CAPN7: variants seen among roughly 807,000 people sequenced by gnomAD.
CAPN7 encodes the protein calpain 7.
In CAPN7, 72 loss-of-function variants were observed where a neutral mutation model predicts 115.2. That is an observed-to-expected ratio of 0.63 (90% CI 0.52 to 0.76). The LOEUF (loss-of-function observed/expected upper bound fraction) is 0.76. CAPN7 is among the 30% of genes least tolerant of loss of function. CAPN7 has a pLI of 0.00. For missense variants in CAPN7, 905 were observed against 971.5 expected (o/e 0.93, Z 0.91); for synonymous variants, 344 against 322.3 (o/e 1.07, Z -0.72).
At chr3:15,210,840 A>G (rs1183263474) in intron 1 of CAPN7, 1 of 1,289,642 alleles carries the variant, frequency 7.8e-7, no homozygotes, top group Non-Finnish European at 1.0e-6. Context: ...ACTGGATTCA[A>G]AAAGTGATGT....
intron 4 of CAPN7, among the ~76,000 whole-genome samples, chr3:15,220,426 T>A (rs1693907863): frequency 6.6e-6 from 1 of 152,222 alleles, no homozygotes; most frequent in African/African-American, 2.4e-5. Flanking sequence ...TTGCATGTAA[T>A]ACTTTCATCC....
intron 5 of CAPN7, among the ~76,000 whole-genome samples, chr3:15,221,953 CA>C (rs575558093): frequency 2.4e-4 from 33 of 135,938 alleles, no homozygotes; most frequent in East Asian, 2.1e-4. Context: ...GATCCCGTCT[CA>C]AAAAAAAAAA....
intron 17 of CAPN7, 116 bp downstream of exon 17, chr3:15,245,787 CTT>C (rs1695624537): frequency 1.4e-6 from 1 of 735,262 alleles, no homozygotes; most frequent in Non-Finnish European, 2.0e-6. Context: ...GTATTGCTCT[CTT>C]TTTTTGTGCT....
At chr3:15,250,209 TA>T (rs528816618) in intron 19 of CAPN7, among the ~76,000 whole-genome samples, 2 of 147,886 alleles carry the variant, frequency 1.4e-5, no homozygotes, top group Non-Finnish European at 3.0e-5. Flanking sequence ...CCCCTGTCCA[TA>T]AAAAAAAATT....
At chr3:15,245,492 C>A in intron 16 of CAPN7, 34 bp from the exon 17 acceptor site, 1 of 1,575,054 alleles carries the variant, frequency 6.3e-7, no homozygotes, top group Non-Finnish European at 8.6e-7. Context: ...AAAGAAAAGT[C>A]TCCTTTTCTC....
At chr3:15,218,447 A>G in intron 3 of CAPN7, 26 bp from the exon 4 acceptor site, 1 of 1,545,584 alleles carries the variant, frequency 6.5e-7, no homozygotes, top group Middle Eastern at 1.7e-4. Flanking sequence ...ATGCTTTAAA[A>G]TGTCTGTCTC....
At chr3:15,240,877 T>C (rs759196978) in intron 14 of CAPN7, 24 bp downstream of exon 14, 18 of 1,378,526 alleles carry the variant, frequency 1.3e-5, no homozygotes, top group South Asian at 5.9e-5. Flanking sequence ...CATTGCAGAG[T>C]ATGCTTTATA....
At chr3:15,220,336 A>C (rs547993629) in intron 4 of CAPN7, among the ~76,000 whole-genome samples, 9 of 152,342 alleles carry the variant, frequency 5.9e-5, no homozygotes, top group African/African-American at 2.2e-4. Flanking sequence ...CTGCAGCTCA[A>C]GCATCAGTTC....
At chr3:15,232,359 A>G (rs1273065990) in intron 9 of CAPN7, among the ~76,000 whole-genome samples, 160 bp from the exon 10 acceptor site, 2 of 152,220 alleles carry the variant, frequency 1.3e-5, no homozygotes, top group Admixed American at 1.3e-4. Context: ...AAAAAGAACA[A>G]CATTTTGTAA....
rs143046443 is a variant in CAPN7, at chr3:15,241,531, G to A, written c.1731G>A (p.Gln577=). 1.3e-4 allele frequency: 215 copies of A among 1,614,152 alleles called. 1 individual carries two copies. The African/African-American group carries it at 2.6e-3, about 19-fold the overall frequency. The change falls in exon 15 of 21, where the codon CAG becomes CAA. Residue 577 remains glutamine (Q), a synonymous_variant. Coordinates refer to ENST00000253693, the MANE Select transcript of CAPN7 (RefSeq NM_014296.3). ...ANNPQYKLEV[Q]CPQGGAAVWV... ...ACCCCCAGTACAAACTGGAGGTGCAGTGTCCACAGGGGGGTGCTGCAGTTT... is the reference window on the plus strand; with the variant it reads ...ACCCCCAGTACAAACTGGAGGTGCAATGTCCACAGGGGGGTGCTGCAGTTT...
chr3:15,232,325 A>G (rs986168432), intron 9 of CAPN7, among the ~76,000 whole-genome samples, 194 bp from the exon 10 acceptor site: 1 of 152,258 alleles, frequency 6.6e-6, no homozygotes, highest in Admixed American at 6.5e-5. Context: ...ATTAGCTTGT[A>G]AAATTGAATA....
rs989768901 is a variant in CAPN7, at chr3:15,206,503, C to G, written c.8C>G (p.Ala3Gly). 11 of 1,549,354 alleles carry G rather than the reference C, an allele frequency of 7.1e-6. No homozygotes were observed. Among genetic ancestry groups the G allele is most frequent in the Non-Finnish European group, 9.6e-6 (11 of 1,147,198 alleles). The change falls in exon 1 of 21, where the codon GCC becomes GGC. Residue 3 changes from alanine to glycine, a missense_variant. Physicochemically the swap from Ala to Gly is moderately conservative, Grantham distance 60. This residue lies in a region of CAPN7 where 271 missense variants were observed against 239.6 expected (regional missense o/e 1.13). Coordinates refer to ENST00000253693, the MANE Select transcript of CAPN7 (RefSeq NM_014296.3). Reference sequence around the variant, plus strand: ...GCGCGGGGCCACTGCGCCATGGACGCCACAGCACTGGAGCGGGACGCTGTG... The same window carrying G: ...GCGCGGGGCCACTGCGCCATGGACGGCACAGCACTGGAGCGGGACGCTGTG... Reference protein sequence around the residue: MDATALERDAVQF... With the variant: MDGTALERDAVQF...
intron 16 of CAPN7, 61 bp from the exon 17 acceptor site, chr3:15,245,465 C>G: frequency 6.6e-7 from 1 of 1,505,028 alleles, no homozygotes; most frequent in Non-Finnish European, 9.0e-7. Context: ...TTTCCTACAT[C>G]AACCATAAAA....
At position 15,228,008 on chromosome 3, in the gene CAPN7, T is replaced by G. The variant is rs545317180; in HGVS notation, c.852+43T>G. 3 of 1,352,922 alleles carry G rather than the reference T, an allele frequency of 2.2e-6. No individual in the cohort carries two copies. The South Asian group carries it at 6.4e-5, about 29-fold the overall frequency. 83.8% of individuals were successfully genotyped at this position (1,352,922 alleles called of 1,614,324 possible). On this transcript the variant is annotated intron_variant, in intron 7 of 20. Coordinates refer to ENST00000253693, the MANE Select transcript of CAPN7 (RefSeq NM_014296.3). The stretch of plus-strand genomic sequence containing the variant: ...ATGATTTTATAGAAAAGTCAGCATT[T>G]TAAAGTAATTTGTGTATAGATTTGA...
At chr3:15,235,281 A>T in intron 12 of CAPN7, 136 bp downstream of exon 12, 1 of 709,212 alleles carries the variant, frequency 1.4e-6, no homozygotes, top group South Asian at 2.4e-5. Flanking sequence ...ACCTACATTA[A>T]CTTGATCTCT....
At chr3:15,249,006 C>CAAAAAAAAAAAAAAAAAAAAAAAAAA (rs1460568964) in intron 19 of CAPN7, among the ~76,000 whole-genome samples, 9 of 50,698 alleles carry the variant, frequency 1.8e-4, no homozygotes, top group African/African-American at 2.9e-4. Flanking sequence ...ATACAACAAC[C>CAAAAAAAAAAAAAAAAAAAAAAAAAA]AAAAAAAAAA....
At chr3:15,206,671 G>A in intron 1 of CAPN7, 74 bp downstream of exon 1, 1 of 1,123,782 alleles carries the variant, frequency 8.9e-7, no homozygotes, top group Non-Finnish European at 1.3e-6. Flanking sequence ...CGAGGGGCGG[G>A]ATCCGGGTGC....
In CAPN7 at chr3:15,206,517, C is replaced by A. The variant is rs1219818012; in HGVS notation, c.22C>A (p.Arg8=). The change falls in exon 1 of 21, where the codon CGG becomes AGG. Residue 8 remains arginine, a synonymous_variant. Coordinates refer to ENST00000253693, the MANE Select transcript of CAPN7 (RefSeq NM_014296.3). ...CGCCATGGACGCCACAGCACTGGAG[C>A]GGGACGCTGTGCAGTTCGCCCGTCT... MDATALE[R]DAVQFARLAV... 1 of 1,553,050 alleles carries A rather than the reference C, an allele frequency of 6.4e-7. No individual in the cohort carries two copies. Among genetic ancestry groups the A allele is most frequent in the South Asian group, 1.2e-5 (1 of 84,104 alleles).
rs947663441 is a variant in CAPN7, at chr3:15,252,715, GC to G, written c.*1457del. On this transcript the variant is annotated 3_prime_UTR_variant, in exon 21 of 21. Coordinates refer to ENST00000253693, the MANE Select transcript of CAPN7 (RefSeq NM_014296.3). The stretch of plus-strand genomic sequence containing the variant: ...TTCTATAATAGAGCTCTAAAAACAT[GC>G]CACCAGTGTATGAATAAGGGAAAGA... 22 of 152,018 alleles carry G rather than the reference GC, an allele frequency of 1.4e-4. No homozygotes were observed. Among genetic ancestry groups the G allele is most frequent in the African/African-American group, 5.1e-4 (21 of 41,322 alleles). The allele number at this position is 152,018 out of a possible 1,614,324, so 9.4% of individuals were successfully genotyped here.
Sources: gnomAD v4.1 joint callset for allele counts (sites outside exome capture counted in the v4.1 genomes callset) on GRCh38, gnomAD v4.1.1 for gene constraint, gnomAD v4.1.1 regional missense constraint, MANE v1.5 for transcripts, NCBI Gene and HGNC (gene_info 2026-07-23, HGNC 2026-07-21) for gene names.